Variants in LINGO1 observed in about 807,000 individuals in gnomAD.
The protein encoded by LINGO1 is leucine rich repeat and Ig domain containing 1.
A neutral mutation model predicts 37.3 loss-of-function variants in LINGO1; 11 were observed. That is an observed-to-expected ratio of 0.29 (90% CI 0.19 to 0.49). The LOEUF is 0.49. Ranked by LOEUF, LINGO1 falls within the 20% of genes least tolerant of loss-of-function variation. The pLI, the probability that LINGO1 is intolerant of heterozygous loss-of-function variation, is 0.99. For synonymous variants in LINGO1, 387 were observed against 403.0 expected (o/e 0.96, Z 0.48); for missense variants, 585 against 878.2 (o/e 0.67, Z 4.22).
chr15:77,697,213 G>A (rs556538126), upstream of LINGO1, among the ~76,000 whole-genome samples: 1 of 152,222 alleles, frequency 6.6e-6, no homozygotes, highest in South Asian at 2.1e-4. Context: ...GGGGTCAGGC[G>A]GGGGCAGAAC....
At chr15:77,631,409 G>A (rs1211347012) in intron 1 of LINGO1, among the ~76,000 whole-genome samples, 1 of 152,120 alleles carries the variant, frequency 6.6e-6, no homozygotes, top group Non-Finnish European at 1.5e-5. Flanking sequence ...AGGAGGTGCA[G>A]GCACAGTCAG....
chr15:77,756,481 GACAGACACACAC>G (rs936451310), intron 1 of LINGO1, among the ~76,000 whole-genome samples: 7 of 128,154 alleles, frequency 5.5e-5, no homozygotes, highest in African/African-American at 1.8e-4. Flanking sequence ...ATGACAGACA[GACAGACACACAC>G]ACACACACAC....
At chr15:77,657,180 C>T (rs2074884052) in intron 3 of LINGO1, among the ~76,000 whole-genome samples, 1 of 152,160 alleles carries the variant, frequency 6.6e-6, no homozygotes, top group Non-Finnish European at 1.5e-5. Context: ...TGATACTCAT[C>T]CTGCCTCTTT....
At chr15:77,782,167 CTGTT>C (rs918282346) in intron 1 of LINGO1, among the ~76,000 whole-genome samples, 4 of 152,066 alleles carry the variant, frequency 2.6e-5, no homozygotes, top group Admixed American at 6.6e-5. Flanking sequence ...ATTTATTTCT[CTGTT>C]TGTTAATGGG....
rs1567509805 is a variant in LINGO1, at chr15:77,671,527, G to C, written c.-13+5562C>G. 2.0e-5 allele frequency among the ~76,000 whole-genome samples: 3 copies of C among 152,226 alleles called. No homozygotes were observed. The South Asian group carries it at 6.2e-4, about 31-fold the overall frequency. On this transcript the variant is annotated intron_variant, in intron 3 of 3. Transcript: ENST00000559893. ...CAGATGTCACAGATCAGTGCCCCGG[G>C]GCAGAGTGAAGCTAGGCAGGGAGGA... is the stretch of plus-strand genomic sequence containing the variant.
chr15:77,613,786 G>A lies in LINGO1; in HGVS notation c.*258C>T, dbSNP rs1323065909. 2.1e-5 allele frequency: 10 copies of A among 472,698 alleles called. No homozygotes were observed. The highest frequency in any genetic ancestry group is 1.2e-4 in the East Asian group (4 of 32,906). 29.3% of individuals were successfully genotyped at this position (472,698 alleles called of 1,614,324 possible). ...TGAATTATTGACTCTGCCGCGTGTC[G>A]GTTCGTCGGCTTTCAACTCCAGTCT... On this transcript the variant is annotated 3_prime_UTR_variant, in exon 2 of 2. Coordinates refer to ENST00000355300, the MANE Select transcript of LINGO1 (RefSeq NM_032808.7).
At chr15:77,634,598 G>C (rs1198641759), upstream of LINGO1, among the ~76,000 whole-genome samples, 1 of 152,180 alleles carries the variant, frequency 6.6e-6, no homozygotes, top group African/African-American at 2.4e-5. Context: ...CGTCTTCTAT[G>C]GCTGAATGGA....
chr15:77,683,666 T>C (rs1395570294), intron 2 of LINGO1, among the ~76,000 whole-genome samples: 1 of 152,098 alleles, frequency 6.6e-6, no homozygotes, highest in Admixed American at 6.5e-5. Context: ...ACAATAAATA[T>C]GTTTGCAATA....
At chr15:77,673,400 G>A (rs2075281867) in intron 3 of LINGO1, among the ~76,000 whole-genome samples, 1 of 151,822 alleles carries the variant, frequency 6.6e-6, no homozygotes, top group Non-Finnish European at 1.5e-5. Flanking sequence ...AAATCAATAA[G>A]ATGCATTTCA....
At chr15:77,760,179 G>A (rs2076461105) in intron 1 of LINGO1, among the ~76,000 whole-genome samples, 1 of 152,220 alleles carries the variant, frequency 6.6e-6, no homozygotes, top group African/African-American at 2.4e-5. Context: ...CCGTGGTGAA[G>A]GTAGCAGGGT....
chr15:77,804,708 G>GC (rs2076945932), intron 1 of LINGO1, among the ~76,000 whole-genome samples: 1 of 152,184 alleles, frequency 6.6e-6, no homozygotes, highest in East Asian at 1.9e-4. Context: ...TGCCCACCCA[G>GC]CAGTGGCCTG....
chr15:77,743,875 A>G (rs888397314), intron 1 of LINGO1, among the ~76,000 whole-genome samples: 1 of 152,132 alleles, frequency 6.6e-6, no homozygotes, highest in Non-Finnish European at 1.5e-5. Context: ...AGAGGCTCCC[A>G]TGGTGAGCGC....
intron 2 of LINGO1, among the ~76,000 whole-genome samples, chr15:77,795,675 C>T (rs1481032385): frequency 2.0e-5 from 3 of 152,216 alleles, no homozygotes; most frequent in Non-Finnish European, 4.4e-5. Flanking sequence ...CCCTTAGAGA[C>T]CTCCCATGCC....
chr15:77,639,699 G>A (rs2074462550), intron 3 of LINGO1, among the ~76,000 whole-genome samples: 1 of 152,042 alleles, frequency 6.6e-6, no homozygotes. Context: ...AACACGATGT[G>A]GAGGAAAAAA....
intron 1 of LINGO1, among the ~76,000 whole-genome samples, chr15:77,737,267 G>T (rs1308466487): frequency 6.6e-6 from 1 of 152,210 alleles, no homozygotes; most frequent in African/African-American, 2.4e-5. Flanking sequence ...CTCAGCACCT[G>T]TTGTGCATCA....
At chr15:77,630,692 C>A (rs1321609996) in intron 1 of LINGO1, among the ~76,000 whole-genome samples, 1 of 152,180 alleles carries the variant, frequency 6.6e-6, no homozygotes, top group Non-Finnish European at 1.5e-5. Flanking sequence ...TTTAACTAAG[C>A]CCTACCCAGG....
intron 1 of LINGO1, among the ~76,000 whole-genome samples, chr15:77,630,086 A>G (rs1334704765): frequency 6.6e-6 from 1 of 152,058 alleles, no homozygotes; most frequent in Non-Finnish European, 1.5e-5. Context: ...GGCCACTTCC[A>G]CAGAGTGCCA....
In LINGO1 at chr15:77,769,827, G is replaced by GCAA. The variant is rs2076566596; in HGVS notation, c.-257+17041_-257+17042insTTG. ...CCATCAGCAAGTCTCTCCCGGTGCGGGTACCTCACAAAGACCTGCCATGTC... is the reference window on the plus strand; with the variant it reads ...CCATCAGCAAGTCTCTCCCGGTGCGGCAAGTACCTCACAAAGACCTGCCATGTC... On this transcript the variant is annotated intron_variant, in intron 1 of 3. Transcript: ENST00000561686. 2.0e-5 allele frequency among the ~76,000 whole-genome samples: 3 copies of GCAA among 152,292 alleles called. No individual in the cohort carries two copies. The South Asian group carries it at 6.2e-4, about 32-fold the overall frequency.
At chr15:77,777,800 G>C (rs1187927598) in intron 1 of LINGO1, among the ~76,000 whole-genome samples, 1 of 152,112 alleles carries the variant, frequency 6.6e-6, no homozygotes, top group Non-Finnish European at 1.5e-5. Flanking sequence ...GCACAGACCT[G>C]TGGTCCCAGC....
Sources: allele counts gnomAD v4.1 joint callset (sites outside exome capture counted in the v4.1 genomes callset), GRCh38; gene constraint gnomAD v4.1.1; transcripts MANE v1.5; gene names NCBI Gene and HGNC (gene_info 2026-07-23, HGNC 2026-07-21).